The following LRMDA variants were observed in gnomAD, a reference collection of about 807,000 sequenced individuals.
The protein encoded by LRMDA is leucine rich melanocyte differentiation associated, also known as leucine-rich melanocyte differentiation-associated protein.
A neutral mutation model predicts 29.8 loss-of-function variants in LRMDA; 18 were observed. The ratio of observed to expected loss-of-function variants is 0.60; its 90% CI spans 0.42 to 0.90. The LOEUF is 0.90. Ranked by LOEUF, LRMDA falls within the 40% of genes least tolerant of loss-of-function variation. LRMDA has a pLI of 0.00. For missense variants in LRMDA, 273 were observed against 273.9 expected (o/e 1.00, Z 0.02); for synonymous variants, 125 against 109.4 (o/e 1.14, Z -0.89).
chr10:75,730,620 AG>A (rs1842685169), intron 2 of LRMDA, among the ~76,000 whole-genome samples: 1 of 152,112 alleles, frequency 6.6e-6, no homozygotes, highest in Admixed American at 6.5e-5. Context: ...CCATCATTGA[AG>A]GAAATTAAGC....
At chr10:75,641,531 G>A (rs139798262) in intron 2 of LRMDA, among the ~76,000 whole-genome samples, 48 of 151,920 alleles carry the variant, frequency 3.2e-4, no homozygotes, top group African/African-American at 1.1e-3. Context: ...ACAGAGTCTC[G>A]CTGTCACTCA....
At chr10:75,794,342 A>G (rs1185740573) in intron 2 of LRMDA, among the ~76,000 whole-genome samples, 1 of 152,188 alleles carries the variant, frequency 6.6e-6, no homozygotes, top group Non-Finnish European at 1.5e-5. Context: ...TTTCTTGTTG[A>G]TGGAAATTTG....
chr10:75,589,665 G>T (rs1233308161), intron 2 of LRMDA, among the ~76,000 whole-genome samples: 1 of 152,140 alleles, frequency 6.6e-6, no homozygotes, highest in Non-Finnish European at 1.5e-5. Context: ...TCAGGAGGCT[G>T]AGGTGGGAGG....
chr10:76,380,419 C>A (rs1841575192), intron 6 of LRMDA, among the ~76,000 whole-genome samples: 1 of 151,976 alleles, frequency 6.6e-6, no homozygotes, highest in African/African-American at 2.4e-5. Flanking sequence ...CCTGTAATCC[C>A]AGCACTTTGG....
intron 5 of LRMDA, among the ~76,000 whole-genome samples, chr10:76,060,829 C>T (rs565417400): frequency 4.1e-4 from 63 of 152,252 alleles, no homozygotes; most frequent in African/African-American, 1.5e-3. Context: ...TTTAGGGTTC[C>T]CAATTAGTTT....
chr10:76,446,206 T>C (rs1242092035), intron 6 of LRMDA, among the ~76,000 whole-genome samples: 1 of 152,234 alleles, frequency 6.6e-6, no homozygotes, highest in Non-Finnish European at 1.5e-5. Flanking sequence ...TTGAGGTATA[T>C]ACATTGTGTT....
intron 5 of LRMDA, among the ~76,000 whole-genome samples, chr10:76,145,237 A>G (rs1435168836): frequency 2.0e-5 from 3 of 152,066 alleles, no homozygotes; most frequent in Non-Finnish European, 4.4e-5. Context: ...CTCTTTTTCT[A>G]TTGATTGGAA....
intron 2 of LRMDA, among the ~76,000 whole-genome samples, chr10:75,901,276 C>G (rs945289043): frequency 6.6e-6 from 1 of 151,028 alleles, no homozygotes; most frequent in African/African-American, 2.4e-5. Context: ...ATCTCCTTGT[C>G]TTTTTAAGAT....
intron 2 of LRMDA, among the ~76,000 whole-genome samples, chr10:75,655,485 A>G (rs2132130034): frequency 6.6e-6 from 1 of 152,316 alleles, no homozygotes; most frequent in African/African-American, 2.4e-5. Context: ...AGACCATCGC[A>G]TGGTCTATCC....
intron 2 of LRMDA, among the ~76,000 whole-genome samples, chr10:75,483,236 C>T (rs190595634): frequency 3.0e-4 from 45 of 152,252 alleles, no homozygotes; most frequent in African/African-American, 1.0e-3. Flanking sequence ...TGTGAGCCAC[C>T]ACACCCCACC....
intron 2 of LRMDA, among the ~76,000 whole-genome samples, chr10:75,747,451 A>G (rs1239930368): frequency 1.3e-5 from 2 of 152,236 alleles, no homozygotes; most frequent in African/African-American, 2.4e-5. Context: ...ACATAAAATT[A>G]TAATTTATGA....
intron 5 of LRMDA, among the ~76,000 whole-genome samples, chr10:76,271,694 G>A (rs752870347): frequency 3.9e-5 from 6 of 152,142 alleles, no homozygotes; most frequent in Non-Finnish European, 8.8e-5. Context: ...ACGATTATGT[G>A]GATGTTACAG....
At chr10:75,674,580 A>G (rs1841938830) in intron 2 of LRMDA, among the ~76,000 whole-genome samples, 1 of 152,158 alleles carries the variant, frequency 6.6e-6, no homozygotes, top group African/African-American at 2.4e-5. Context: ...GCCTTGAATA[A>G]TGCGATCCTT....
intron 2 of LRMDA, among the ~76,000 whole-genome samples, chr10:75,610,343 C>T (rs144056515): frequency 1.3e-5 from 2 of 151,706 alleles, no homozygotes; most frequent in African/African-American, 4.8e-5. Flanking sequence ...CTCCCACATC[C>T]CTCACCACAA....
chr10:76,122,972 C>T lies in LRMDA; in HGVS notation c.516+64189C>T, dbSNP rs1161598350. Among the ~76,000 whole-genome samples, 6 of 152,108 alleles carry T rather than the reference C, an allele frequency of 3.9e-5. No homozygotes were observed. The East Asian group carries it at 1.2e-3, about 29-fold the overall frequency. On this transcript the variant is annotated intron_variant, in intron 5 of 6. Transcript: ENST00000611255. ...TGTCTCCTGGATCATCTAGGATGAT[C>T]CGAAGGATTCCCAGATCTGGGCATT...
chr10:75,758,536 A>T (rs1327618912), intron 2 of LRMDA, among the ~76,000 whole-genome samples: 2 of 152,204 alleles, frequency 1.3e-5, no homozygotes, highest in Non-Finnish European at 2.9e-5. Context: ...CGTGGCAGTG[A>T]GGCAAATGCT....
intron 2 of LRMDA, among the ~76,000 whole-genome samples, chr10:75,836,756 A>G (rs1406059085): frequency 6.6e-6 from 1 of 152,184 alleles, no homozygotes; most frequent in East Asian, 1.9e-4. Flanking sequence ...ATGCTTTCAA[A>G]CAAAACCTCT....
At chr10:76,283,225 G>A (rs1483853971) in intron 5 of LRMDA, among the ~76,000 whole-genome samples, 1 of 152,220 alleles carries the variant, frequency 6.6e-6, no homozygotes, top group African/African-American at 2.4e-5. Flanking sequence ...GTGGCCACAT[G>A]TCTTCACTGA....
chr10:75,690,992 TATAC>T (rs796610856), intron 2 of LRMDA, among the ~76,000 whole-genome samples: 2,506 of 93,986 alleles, frequency 0.027, 80 homozygotes, highest in East Asian at 0.16. Context: ...TATATATATA[TATAC>T]ACACACACAC....
Sources: gnomAD v4.1 joint callset for allele counts (sites outside exome capture counted in the v4.1 genomes callset) on GRCh38, gnomAD v4.1.1 for gene constraint, MANE v1.5 for transcripts, NCBI Gene and HGNC (gene_info 2026-07-23, HGNC 2026-07-21) for gene names.